The following CAV3 variants were observed in gnomAD, a reference collection of about 807,000 sequenced individuals.
The protein encoded by CAV3 is caveolin 3.
In CAV3, 10 loss-of-function variants were observed where a neutral mutation model predicts 13.4. The observed-to-expected ratio is 0.75, with a 90% CI of 0.46 to 1.27. CAV3 has a LOEUF of 1.27. Ranked by LOEUF, CAV3 falls within the 50% of genes most tolerant of loss-of-function variation. CAV3 has a pLI of 0.00. For synonymous variants in CAV3, 90 were observed against 79.0 expected (o/e 1.14, Z -0.74); for missense variants, 162 against 194.0 (o/e 0.83, Z 0.98).
chr3:8,737,287 C>A (rs1400720365), intron 1 of CAV3, among the ~76,000 whole-genome samples: 1 of 152,188 alleles, frequency 6.6e-6, no homozygotes, highest in African/African-American at 2.4e-5. Flanking sequence ...TGGCTACAGA[C>A]TCAAGTTCTG....
At position 8,735,217 on chromosome 3, in the gene CAV3, C is replaced by T. The variant is rs1191507598; in HGVS notation, c.114+1227C>T. On this transcript the variant is annotated intron_variant, in intron 1 of 1. Coordinates refer to ENST00000343849, the MANE Select transcript of CAV3 (RefSeq NM_033337.3). ...TTTCTAGCAGCCACATTTTAAAATG[C>T]GAAAGCAAACAGGTGAAATTAATGT... Among the ~76,000 whole-genome samples, 5 of 152,288 alleles carry T rather than the reference C, an allele frequency of 3.3e-5. No homozygotes were observed. In the East Asian group the frequency reaches 9.6e-4, roughly 29 times the overall value.
chr3:8,745,573 T>C lies in CAV3; in HGVS notation c.162T>C (p.Phe54=). The C allele has an allele frequency of 6.2e-7, 1 of 1,614,160 alleles. No individual in the cohort carries two copies. Among genetic ancestry groups the C allele is most frequent in the Non-Finnish European group, 8.5e-7 (1 of 1,180,012 alleles). The change falls in exon 2 of 2, where the codon TTT becomes TTC. Residue 54 remains phenylalanine (F), a synonymous_variant. Transcript: ENST00000343849. The surrounding 1 kb of genome is among the most constrained non-coding windows in gnomAD (Gnocchi z 4.8). ...VIAEPVGTYS[F]DGVWKVSYTT... is the part of the protein sequence containing the mutation. ...CAGAGCCTGTGGGCACCTACAGCTT[T>C]GACGGCGTGTGGAAGGTGAGCTACA... is the stretch of plus-strand genomic sequence containing the variant.
intron 1 of CAV3, among the ~76,000 whole-genome samples, chr3:8,739,329 C>T (rs1195058345): frequency 1.3e-5 from 2 of 152,058 alleles, no homozygotes; most frequent in Non-Finnish European, 2.9e-5. Flanking sequence ...GTTTCATGCT[C>T]AGGCCAGGCA....
intron 1 of CAV3, among the ~76,000 whole-genome samples, chr3:8,739,036 T>C (rs1209401067): frequency 1.3e-5 from 2 of 152,264 alleles, no homozygotes; most frequent in Non-Finnish European, 2.9e-5. Context: ...CCAATCCACC[T>C]GTCATTCCAT....
chr3:8,738,056 C>CT (rs398052598), intron 1 of CAV3, among the ~76,000 whole-genome samples: 10 of 150,272 alleles, frequency 6.7e-5, no homozygotes, highest in East Asian at 1.9e-4. Context: ...CTCTCTCTCT[C>CT]CTCTCTCTCT....
At chr3:8,737,631 A>ACC (rs749838179) in intron 1 of CAV3, among the ~76,000 whole-genome samples, 1 of 151,938 alleles carries the variant, frequency 6.6e-6, no homozygotes, top group Non-Finnish European at 1.5e-5. Flanking sequence ...GGGGGAGCAC[A>ACC]CCCCCATTTC....
Position 8,733,896 on chromosome 3 carries a change from C to A in CAV3, c.20C>A (p.Thr7Lys). The A allele has an allele frequency of 6.2e-7, 1 of 1,611,252 alleles. No individual in the cohort carries two copies. MMAEEH[T>K]DLEAQIVKDI... ...TCTGCGATGATGGCAGAAGAGCACA[C>A]AGATCTCGAGGCCCAGATCGTCAAG... Residue 7 changes from threonine (T) to lysine (K), a missense_variant, in exon 1 of 2, where the codon ACA becomes AAA. Physicochemically the swap from Thr to Lys is moderately conservative, Grantham distance 78. Transcript: ENST00000343849.
At position 8,745,602 on chromosome 3, in the gene CAV3, C is replaced by G. The variant is rs121909280; in HGVS notation, c.191C>G (p.Thr64Ser). 10 of 1,614,150 alleles carry G rather than the reference C, an allele frequency of 6.2e-6. No homozygotes were observed. The East Asian group carries it at 1.3e-4, about 22-fold the overall frequency. ...FDGVWKVSYT[T>S]FTVSKYWCYR... ...GGCGTGTGGAAGGTGAGCTACACCA[C>G]CTTCACTGTCTCCAAGTACTGGTGC... Residue 64 changes from threonine to serine, a missense_variant, in exon 2 of 2, where the codon ACC (threonine) becomes AGC (serine). Physicochemically the swap from Thr to Ser is moderately conservative, Grantham distance 58 (BLOSUM62 1). Coordinates refer to ENST00000343849, the MANE Select transcript of CAV3 (RefSeq NM_033337.3). The surrounding 1 kb of genome is among the most constrained non-coding windows in gnomAD (Gnocchi z 4.8).
chr3:8,735,657 A>G (rs1707728950), intron 1 of CAV3, among the ~76,000 whole-genome samples: 1 of 152,146 alleles, frequency 6.6e-6, no homozygotes, highest in Non-Finnish European at 1.5e-5. Context: ...CATGCTGGAG[A>G]AGCCTAGCCT....
In CAV3 at chr3:8,736,810, T is replaced by G. The variant is rs988403075; in HGVS notation, c.114+2820T>G. On this transcript the variant is annotated intron_variant, in intron 1 of 1. Transcript: ENST00000343849. ...TAATTTTGTCCAGAGGAGGTGGTTA[T>G]TTGGTATGTTTTGGACATTCTCTGC... Among the ~76,000 whole-genome samples the G allele has an allele frequency of 2.0e-5, 3 of 152,230 alleles. No homozygotes were observed. The South Asian group carries it at 6.2e-4, about 32-fold the overall frequency.
At chr3:8,736,472 C>T (rs1274568728) in intron 1 of CAV3, among the ~76,000 whole-genome samples, 1 of 152,144 alleles carries the variant, frequency 6.6e-6, no homozygotes, top group Non-Finnish European at 1.5e-5. Flanking sequence ...CAGGAGCCTG[C>T]GTCATGCCCA....
At position 8,746,169 on chromosome 3, in the gene CAV3, A is replaced by C. The variant is rs1181827254; in HGVS notation, c.*302A>C. The C allele has an allele frequency of 3.3e-6, 1 of 306,790 alleles. No homozygotes were observed. Among genetic ancestry groups the C allele is most frequent in the African/African-American group, 2.1e-5 (1 of 47,810 alleles). The allele number at this position is 306,790 out of a possible 1,614,324, so 19.0% of individuals were successfully genotyped here. On this transcript the variant is annotated 3_prime_UTR_variant, in exon 2 of 2. Coordinates refer to ENST00000343849, the MANE Select transcript of CAV3 (RefSeq NM_033337.3). ...GTTCACTTGTACTGTAACAACATAA[A>C]CCAGCACGCGGTTCCCACCCGGGGC...
intron 1 of CAV3, among the ~76,000 whole-genome samples, chr3:8,742,138 G>A (rs1005347964): frequency 2.6e-5 from 4 of 152,168 alleles, no homozygotes; most frequent in Non-Finnish European, 4.4e-5. Context: ...TGCCTGAGCC[G>A]GGCCTTATAA....
rs2124989026 is a variant in CAV3 at position 8,746,025 on chromosome 3, G to C, written c.*158G>C. On this transcript the variant is annotated 3_prime_UTR_variant, in exon 2 of 2. Transcript: ENST00000343849. ...CGGTGTAGGGAAGCCAGAAAGAAAA[G>C]ACGGCCCAGCCACAGAAGCACAATG... The C allele has an allele frequency of 1.6e-6, 1 of 620,662 alleles. No homozygotes were observed. The highest frequency in any genetic ancestry group is 2.8e-6 in the Non-Finnish European group (1 of 358,658). The allele number at this position is 620,662 out of a possible 1,614,324, so 38.4% of individuals were successfully genotyped here.
At chr3:8,743,322 C>G (rs1162120877) in intron 1 of CAV3, among the ~76,000 whole-genome samples, 1 of 152,122 alleles carries the variant, frequency 6.6e-6, no homozygotes, top group Non-Finnish European at 1.5e-5. Flanking sequence ...GGGGGTTTGA[C>G]TAGAACCTCC....
rs1708113535 is a variant in CAV3, at chr3:8,745,204, C to T, written c.115-322C>T. On this transcript the variant is annotated intron_variant, in intron 1 of 1. Coordinates refer to ENST00000343849, the MANE Select transcript of CAV3 (RefSeq NM_033337.3). The surrounding 1 kb of genome is among the most constrained non-coding windows in gnomAD (Gnocchi z 4.8). ...CCCAGCTCTCTCTCTTGCTCCCACT[C>T]TCACCAGGGGAGACGCCTGCTCTCC... Among the ~76,000 whole-genome samples, 1 of 152,100 alleles carries T rather than the reference C, an allele frequency of 6.6e-6. No homozygotes were observed. The highest frequency in any genetic ancestry group is 1.5e-5 in the Non-Finnish European group (1 of 68,028).
chr3:8,742,642 A>G (rs1708013110), intron 1 of CAV3: 1 of 418,730 alleles, frequency 2.4e-6, no homozygotes. Context: ...TATTACCATC[A>G]CAATAGCCAG....
At chr3:8,741,658 G>A (rs908198642) in intron 1 of CAV3, among the ~76,000 whole-genome samples, 13 of 152,204 alleles carry the variant, frequency 8.5e-5, no homozygotes, top group South Asian at 6.2e-4. Flanking sequence ...TCCCCACCCT[G>A]CTAAGAGCTA....
At chr3:8,735,776 C>T (rs1017362169) in intron 1 of CAV3, among the ~76,000 whole-genome samples, 2 of 152,182 alleles carry the variant, frequency 1.3e-5, no homozygotes, top group Non-Finnish European at 2.9e-5. Context: ...TGTGCCATTG[C>T]CAGAAGTGCC....
Sources: gnomAD v4.1 joint callset for allele counts (sites outside exome capture counted in the v4.1 genomes callset) on GRCh38, gnomAD v4.1.1 for gene constraint, Gnocchi (gnomAD v3.1) non-coding constraint, MANE v1.5 for transcripts, NCBI Gene and HGNC (gene_info 2026-07-23, HGNC 2026-07-21) for gene names.